Variants in FGGY observed in about 807,000 individuals in gnomAD.
FGGY encodes FGGY carbohydrate kinase domain-containing protein.
In FGGY, 72 loss-of-function variants were observed where a neutral mutation model predicts 71.3. The ratio of observed to expected loss-of-function variants is 1.01; its 90% confidence interval spans 0.84 to 1.23. The LOEUF (loss-of-function observed/expected upper bound fraction) is 1.23. Among genes scored for constraint, FGGY ranks in the 50% most tolerant of loss-of-function variants. FGGY has a pLI of 0.00. For synonymous variants in FGGY, 251 were observed against 250.3 expected, an observed-to-expected ratio of 1.00 and a Z score of -0.02; for missense variants, 668 against 682.3, an observed-to-expected ratio of 0.98 and a Z score of 0.23.
At chr1:59,533,473 G>A (rs867753393) in intron 7 of FGGY, among the ~76,000 whole-genome samples, 37 of 152,348 alleles carry the variant, frequency 2.4e-4, no homozygotes, top group African/African-American at 6.3e-4. Context: ...AAGCAGCCGG[G>A]AAGCTCGAAC....
intron 14 of FGGY, among the ~76,000 whole-genome samples, chr1:59,751,683 G>C (rs995389660): frequency 1.3e-5 from 2 of 152,110 alleles, no homozygotes; most frequent in African/African-American, 4.8e-5. Context: ...CAATCTTCTT[G>C]ATAATTTTGA....
intron 4 of FGGY, among the ~76,000 whole-genome samples, chr1:59,373,804 G>A (rs2058153623): frequency 6.6e-6 from 1 of 152,136 alleles, no homozygotes; most frequent in Admixed American, 6.5e-5. Flanking sequence ...CAAGCAATGG[G>A]GAAAGGATTC....
chr1:59,363,872 A>G (rs1366343695), intron 4 of FGGY, among the ~76,000 whole-genome samples: 1 of 152,192 alleles, frequency 6.6e-6, no homozygotes, highest in Non-Finnish European at 1.5e-5. Flanking sequence ...TTGTGGTCTT[A>G]TTCTACTACT....
At chr1:59,472,610 G>C (rs1483298110) in intron 6 of FGGY, among the ~76,000 whole-genome samples, 1 of 152,214 alleles carries the variant, frequency 6.6e-6, no homozygotes, top group Non-Finnish European at 1.5e-5. Flanking sequence ...TACACCAATT[G>C]GCACTCTGTA....
At chr1:59,385,928 G>T (rs1316102633) in intron 5 of FGGY, among the ~76,000 whole-genome samples, 1 of 152,072 alleles carries the variant, frequency 6.6e-6, no homozygotes, top group Non-Finnish European at 1.5e-5. Flanking sequence ...GAGTCTGAGA[G>T]AAATTAATCC....
At chr1:59,736,913 AGGCCTGGAGGCTTAGGAGG>A (rs2101104932) in intron 14 of FGGY, among the ~76,000 whole-genome samples, 1 of 152,334 alleles carries the variant, frequency 6.6e-6, no homozygotes, top group African/African-American at 2.4e-5. Context: ...CTCCCATCAC[AGGCCTGGAGGCTTAGGAGG>A]AAAAAGTGGT....
At chr1:59,357,737 G>C (rs375661373) in intron 4 of FGGY, among the ~76,000 whole-genome samples, 3 of 152,122 alleles carry the variant, frequency 2.0e-5, no homozygotes, top group African/African-American at 7.2e-5. Flanking sequence ...ACAGTGTTTG[G>C]CATTGAAAAA....
chr1:59,730,851 G>A (rs1192665614), intron 14 of FGGY, among the ~76,000 whole-genome samples: 1 of 152,180 alleles, frequency 6.6e-6, no homozygotes, highest in Non-Finnish European at 1.5e-5. Context: ...CAGCCAAGGA[G>A]ACAGCACAGA....
At chr1:59,586,265 A>G (rs74507025) in intron 8 of FGGY, among the ~76,000 whole-genome samples, 18,670 of 152,194 alleles carry the variant, frequency 0.12, 1,328 homozygotes, top group South Asian at 0.3. Context: ...CAAGCCAGAT[A>G]TCCAACAATG....
intron 2 of FGGY, among the ~76,000 whole-genome samples, chr1:59,325,922 G>T (rs901066842): frequency 1.3e-5 from 2 of 152,152 alleles, no homozygotes; most frequent in Non-Finnish European, 2.9e-5. Flanking sequence ...TTATTGGGCT[G>T]GTAAGCCGCA....
At chr1:59,424,857 T>C (rs1249576431) in intron 5 of FGGY, among the ~76,000 whole-genome samples, 1 of 152,230 alleles carries the variant, frequency 6.6e-6, no homozygotes. Flanking sequence ...GCTTCACACA[T>C]AAGCCAGTTA....
chr1:59,596,148 T>C (rs970756187), intron 8 of FGGY, among the ~76,000 whole-genome samples: 2 of 152,188 alleles, frequency 1.3e-5, no homozygotes, highest in African/African-American at 4.8e-5. Flanking sequence ...AAACCATTTC[T>C]CTTTTATAGA....
chr1:59,527,822 C>T (rs1320799792), intron 7 of FGGY, among the ~76,000 whole-genome samples: 9 of 152,034 alleles, frequency 5.9e-5, no homozygotes, highest in Non-Finnish European at 1.2e-4. Context: ...CATCGTTAAT[C>T]GAATTCATAA....
At chr1:59,741,108 C>T (rs1199502957) in intron 14 of FGGY, among the ~76,000 whole-genome samples, 2 of 152,160 alleles carry the variant, frequency 1.3e-5, no homozygotes, top group Admixed American at 1.3e-4. Context: ...TTCTGTTGGA[C>T]AGTGCTGCTG....
intron 14 of FGGY, among the ~76,000 whole-genome samples, chr1:59,709,874 A>T (rs992259976): frequency 6.6e-6 from 1 of 151,950 alleles, no homozygotes; most frequent in Non-Finnish European, 1.5e-5. Flanking sequence ...TCTACATGGA[A>T]CCCCTCTGTG....
At chr1:59,549,654 T>C (rs186277712) in intron 7 of FGGY, among the ~76,000 whole-genome samples, 25 of 152,352 alleles carry the variant, frequency 1.6e-4, no homozygotes, top group Admixed American at 5.9e-4. Flanking sequence ...GAGATAATTA[T>C]AACACAAATG....
chr1:59,485,577 TTTGTTTTTGCTG>T (rs146860477), intron 6 of FGGY, among the ~76,000 whole-genome samples: 2,012 of 152,296 alleles, frequency 0.013, 40 homozygotes, highest in African/African-American at 0.046. Flanking sequence ...AATTTGTTTA[TTTGTTTTTGCTG>T]TTGTTTTTGC....
chr1:59,699,873 C>T (rs2097695633), intron 14 of FGGY, among the ~76,000 whole-genome samples: 1 of 152,200 alleles, frequency 6.6e-6, no homozygotes, highest in African/African-American at 2.4e-5. Context: ...TCGCTTCTCA[C>T]ATCTCTAATT....
intron 6 of FGGY, among the ~76,000 whole-genome samples, chr1:59,463,136 A>C (rs545499761): frequency 2.6e-4 from 39 of 151,728 alleles, no homozygotes; most frequent in African/African-American, 9.2e-4. Context: ...CCTATACACC[A>C]TGGAATACTA....
Sources: gnomAD v4.1 joint callset for allele counts (sites outside exome capture counted in the v4.1 genomes callset) on GRCh38, gnomAD v4.1.1 for gene constraint, MANE v1.5 for transcripts, NCBI Gene and HGNC (gene_info 2026-07-23, HGNC 2026-07-21) for gene names.